LDHAL6A: variants seen among roughly 807,000 people sequenced by gnomAD.
The protein encoded by LDHAL6A is lactate dehydrogenase A like 6A.
A neutral mutation model predicts 28.2 loss-of-function variants in LDHAL6A; 19 were observed. That is an observed-to-expected ratio of 0.67 (90% confidence interval 0.47 to 0.99). LDHAL6A has a LOEUF of 0.99. Among genes scored for constraint, LDHAL6A ranks in the 50% least tolerant of loss-of-function variants. LDHAL6A has a pLI of 0.00. For missense variants in LDHAL6A, 372 were observed against 398.6 expected, an observed-to-expected ratio of 0.93 and a Z score of 0.57; for synonymous variants, 144 against 134.4, an observed-to-expected ratio of 1.07 and a Z score of -0.49.
At chr11:18,476,522 T>G in intron 5 of LDHAL6A, 21 bp downstream of exon 5, 2 of 1,611,284 alleles carry the variant, frequency 1.2e-6, no homozygotes, top group Non-Finnish European at 1.7e-6. Context: ...AGTTTCACAT[T>G]TTCAGTACCT....
chr11:18,458,425 G>A (rs1848813717), intron 1 of LDHAL6A, among the ~76,000 whole-genome samples: 2 of 152,192 alleles, frequency 1.3e-5, no homozygotes, highest in South Asian at 2.1e-4. Flanking sequence ...TGCTGTAAAG[G>A]TATGAAGCAG....
chr11:18,459,716 T>C (rs887573727), intron 1 of LDHAL6A, among the ~76,000 whole-genome samples: 1 of 152,048 alleles, frequency 6.6e-6, no homozygotes, highest in African/African-American at 2.4e-5. Context: ...AGTTTTTACC[T>C]GTCCTTTTTC....
Position 18,473,392 on chromosome 11 carries a change from G to GACAA in LDHAL6A, c.419-2071_419-2070insAACA, listed in dbSNP as rs199914408. Among the ~76,000 whole-genome samples the GACAA allele has an allele frequency of 5.3e-3, 714 of 135,094 alleles. 8 individuals carry two copies. The highest frequency in any genetic ancestry group is 0.019 in the African/African-American group (677 of 36,170). 88.6% of individuals were successfully genotyped at this position (135,094 alleles called of 152,430 possible). ...ATTGATAGATGAAGGTAGGTAGGTA[G>GACAA]ACAGACAGACAGACAGACAGACAGA... is the stretch of plus-strand genomic sequence containing the variant. On this transcript the variant is annotated intron_variant, in intron 3 of 6. Coordinates refer to ENST00000280706, the MANE Select transcript of LDHAL6A (RefSeq NM_144972.5).
rs539074985 is a variant in LDHAL6A, at chr11:18,479,155, G to A, written c.*285G>A. The A allele has an allele frequency of 7.7e-5, 18 of 234,840 alleles. No individual in the cohort carries two copies. Among genetic ancestry groups the A allele is most frequent in the South Asian group, 2.3e-4 (3 of 12,830 alleles). 14.5% of individuals were successfully genotyped at this position (234,840 alleles called of 1,614,324 possible). Reference sequence around the variant, plus strand: ...CTCCAGAGTAGGTGGGACCACATGCGTGTGCCTCCATGCCTGCCTAATTTT... The same window carrying A: ...CTCCAGAGTAGGTGGGACCACATGCATGTGCCTCCATGCCTGCCTAATTTT... On this transcript the variant is annotated 3_prime_UTR_variant, in exon 7 of 7. Coordinates refer to ENST00000280706, the MANE Select transcript of LDHAL6A (RefSeq NM_144972.5).
rs1848769778 is a variant in LDHAL6A, at chr11:18,456,797, C to T, written c.117C>T (p.Ile39=). ...GSVGVACAIS[I]LLKGLSDELV... ...TTGGTGTGGCTTGTGCTATCAGCAT[C>T]TTATTAAAAGTAAGTTGTGTGCTCT... The change falls in exon 1 of 7, where the codon ATC becomes ATT. Residue 39 remains isoleucine (I), a synonymous_variant. Transcript: ENST00000280706. 1 of 1,612,538 alleles carries T rather than the reference C, an allele frequency of 6.2e-7. No individual in the cohort carries two copies. Among genetic ancestry groups the T allele is most frequent in the Non-Finnish European group, 8.5e-7 (1 of 1,179,654 alleles).
intron 5 of LDHAL6A, chr11:18,476,703 C>G (rs766035685): frequency 2.7e-5 from 21 of 776,576 alleles, no homozygotes; most frequent in Admixed American, 6.2e-5. Context: ...TATTCCTGAG[C>G]CTAACCCAGT....
intron 1 of LDHAL6A, among the ~76,000 whole-genome samples, chr11:18,462,915 C>G (rs962264620): frequency 1.4e-4 from 21 of 150,320 alleles, no homozygotes; most frequent in African/African-American, 4.9e-4. Flanking sequence ...TTAGCATCCA[C>G]TTTAGGCAAT....
At position 18,478,707 on chromosome 11, in the gene LDHAL6A, G is replaced by A. The variant is rs757632251; in HGVS notation, c.836G>A (p.Gly279Asp). 5.0e-6 allele frequency: 8 copies of A among 1,603,258 alleles called. No individual in the cohort carries two copies. In the East Asian group the frequency reaches 8.9e-5, roughly 18 times the overall value. ...TAATTTTTAAGTCTTTACTTTCAGG[G>A]CCTCTATGGAATAAATGAAGACATA... ...RVHPVSTLSK[G>D]LYGINEDIFL... The change falls in exon 7 of 7, where the codon GGC becomes GAC. Residue 279 changes from glycine (G) to aspartate (D), a missense_variant and splice_region_variant. This residue lies in a region of LDHAL6A where 291 missense variants were observed against 302.9 expected (regional missense o/e 0.96). Transcript: ENST00000280706.
chr11:18,466,508 T>C lies in LDHAL6A; in HGVS notation c.418+698T>C, dbSNP rs114705107. ...TCTCTACAAAAAAATACAAAAATTA[T>C]CAGGGCATGGTGGAGCATTCCTGTA... On this transcript the variant is annotated intron_variant, in intron 3 of 6. Transcript: ENST00000280706. Among the ~76,000 whole-genome samples the C allele has an allele frequency of 7.9e-3, 1,202 of 151,790 alleles. 15 individuals are homozygous for C. Among genetic ancestry groups the C allele is most frequent in the African/African-American group, 0.028 (1,166 of 41,388 alleles).
rs1491155757 is a variant in LDHAL6A at position 18,468,036 on chromosome 11, TAC to T, written c.418+2228_418+2229del. Among the ~76,000 whole-genome samples the T allele has an allele frequency of 3.1e-3, 47 of 15,142 alleles. 2 individuals carry two copies. Among genetic ancestry groups the T allele is most frequent in the African/African-American group, 6.9e-3 (43 of 6,206 alleles). The allele number at this position is 15,142 out of a possible 152,430, so 9.9% of individuals were successfully genotyped here. A position where few individuals can be genotyped will look rare whatever the true frequency, so the allele number is the denominator to read the frequency against. On this transcript the variant is annotated intron_variant, in intron 3 of 6. Transcript: ENST00000280706. The stretch of plus-strand genomic sequence containing the variant: ...ATACATATATATACGTATATATATA[TAC>T]ATATATATACGTATATATATATACA...
intron 3 of LDHAL6A, among the ~76,000 whole-genome samples, chr11:18,469,461 C>T (rs1849204346): frequency 6.6e-6 from 1 of 152,138 alleles, no homozygotes; most frequent in African/African-American, 2.4e-5. Context: ...TGGCAGAAGT[C>T]TATTAAAGAA....
intron 3 of LDHAL6A, among the ~76,000 whole-genome samples, chr11:18,474,566 T>A (rs1021606713): frequency 2.0e-5 from 3 of 152,136 alleles, no homozygotes; most frequent in Non-Finnish European, 4.4e-5. Context: ...TTTTTATTTT[T>A]AATAGAGACG....
At chr11:18,465,612 ATTGT>A (rs760957745) in intron 2 of LDHAL6A, 21 bp from the exon 3 acceptor site, 2 of 1,591,898 alleles carry the variant, frequency 1.3e-6, no homozygotes, top group Non-Finnish European at 1.7e-6. Context: ...TTCATAATCG[ATTGT>A]TTATTCTAAT....
intron 1 of LDHAL6A, among the ~76,000 whole-genome samples, chr11:18,457,799 CTGAGA>C (rs1848796375): frequency 6.6e-6 from 1 of 152,110 alleles, no homozygotes; most frequent in African/African-American, 2.4e-5. Context: ...TCCTAAAGTG[CTGAGA>C]TAACAGATGT....
chr11:18,471,294 C>T (rs1254333061), intron 3 of LDHAL6A, among the ~76,000 whole-genome samples: 2 of 151,116 alleles, frequency 1.3e-5, no homozygotes, highest in Non-Finnish European at 2.9e-5. Context: ...ACTGCAACCT[C>T]CGCCTCCTGG....
chr11:18,466,974 A>G (rs1849090040), intron 3 of LDHAL6A, among the ~76,000 whole-genome samples: 1 of 152,190 alleles, frequency 6.6e-6, no homozygotes, highest in Admixed American at 6.5e-5. Flanking sequence ...TGGTAGTTCC[A>G]TTTAACTGGG....
At chr11:18,477,481 C>A in intron 5 of LDHAL6A, 139 bp from the exon 6 acceptor site, 1 of 715,864 alleles carries the variant, frequency 1.4e-6, no homozygotes, top group South Asian at 2.4e-5. Context: ...AGAAAAAATG[C>A]ATACATACTA....
At chr11:18,467,922 CACACATATATATAT>C (rs1849127799) in intron 3 of LDHAL6A, among the ~76,000 whole-genome samples, 3 of 46,524 alleles carry the variant, frequency 6.4e-5, no homozygotes, top group African/African-American at 2.0e-4. Context: ...TATATATACA[CACACATATATATAT>C]ACACACACAT....
intron 2 of LDHAL6A, among the ~76,000 whole-genome samples, chr11:18,465,316 T>G (rs1371296667): frequency 1.3e-5 from 2 of 151,924 alleles, no homozygotes; most frequent in Non-Finnish European, 2.9e-5. Flanking sequence ...AGAGATGGGG[T>G]TTTGCCATGT....
Sources: gnomAD v4.1 joint callset for allele counts (sites outside exome capture counted in the v4.1 genomes callset) on GRCh38, gnomAD v4.1.1 for gene constraint, gnomAD v4.1.1 regional missense constraint, MANE v1.5 for transcripts, NCBI Gene and HGNC (gene_info 2026-07-23, HGNC 2026-07-21) for gene names.